The following TMX2 variants were observed in gnomAD, a reference collection of about 807,000 sequenced individuals.
The protein encoded by TMX2 is thioredoxin-related transmembrane protein 2.
A neutral mutation model predicts 33.4 loss-of-function variants in TMX2; 20 were observed. The ratio of observed to expected loss-of-function variants is 0.60; its 90% CI spans 0.42 to 0.87. TMX2 has a LOEUF of 0.87. Ranked by LOEUF, TMX2 falls within the 40% of genes least tolerant of loss-of-function variation. TMX2 has a pLI of 0.00. For synonymous variants in TMX2, 166 were observed against 140.7 expected, an observed-to-expected ratio of 1.18 and a Z score of -1.27; for missense variants, 340 against 370.7, an observed-to-expected ratio of 0.92 and a Z score of 0.68.
intron 1 of TMX2, among the ~76,000 whole-genome samples, chr11:57,726,171 G>A (rs773399679): frequency 5.3e-5 from 8 of 151,998 alleles, no homozygotes; most frequent in South Asian, 2.1e-4. Flanking sequence ...CTAGCACTTT[G>A]GTAGGCTGGG....
At chr11:57,724,951 T>A (rs1449668410) in intron 1 of TMX2, among the ~76,000 whole-genome samples, 3 of 149,320 alleles carry the variant, frequency 2.0e-5, no homozygotes, top group Admixed American at 1.3e-4. Flanking sequence ...GGCAGGAGAA[T>A]CACTTTGAAC....
intron 1 of TMX2, among the ~76,000 whole-genome samples, chr11:57,726,145 G>T (rs1441160076): frequency 3.9e-5 from 6 of 152,106 alleles, no homozygotes; most frequent in Non-Finnish European, 7.4e-5. Context: ...GGGCGTGGTG[G>T]TTCACTCCTG....
chr11:57,733,901 T>G (rs1260884789), intron 1 of TMX2, among the ~76,000 whole-genome samples: 2 of 151,880 alleles, frequency 1.3e-5, no homozygotes, highest in Non-Finnish European at 2.9e-5. Flanking sequence ...CTGGGTGCGG[T>G]GGCTCACGCC....
chr11:57,733,509 G>T (rs78644549), intron 1 of TMX2, among the ~76,000 whole-genome samples: 1 of 151,680 alleles, frequency 6.6e-6, no homozygotes, highest in African/African-American at 2.4e-5. Flanking sequence ...CACCCGCCTC[G>T]GCCTCCCAAA....
intron 1 of TMX2, among the ~76,000 whole-genome samples, chr11:57,734,485 C>T (rs1001443198): frequency 6.6e-6 from 1 of 152,324 alleles, no homozygotes; most frequent in East Asian, 1.9e-4. Flanking sequence ...CAGTGGCTCA[C>T]GCCTATAATC....
At chr11:57,719,878 C>T (rs1243446733) in intron 1 of TMX2, among the ~76,000 whole-genome samples, 1 of 152,032 alleles carries the variant, frequency 6.6e-6, no homozygotes, top group Non-Finnish European at 1.5e-5. Flanking sequence ...AAATTGGCTT[C>T]TCCAAAACTG....
At chr11:57,718,611 C>A in intron 1 of TMX2, 24 of 435,754 alleles carry the variant, frequency 5.5e-5, no homozygotes, top group East Asian at 2.7e-4. Context: ...TTATCTATAT[C>A]ATTGTTTTCC....
At chr11:57,729,566 T>A (rs1233805107) in intron 1 of TMX2, among the ~76,000 whole-genome samples, 1 of 152,224 alleles carries the variant, frequency 6.6e-6, no homozygotes, top group Non-Finnish European at 1.5e-5. Context: ...CTTTCTCTTC[T>A]TACCTTATGA....
At chr11:57,732,931 A>G (rs933659669) in intron 1 of TMX2, among the ~76,000 whole-genome samples, 4 of 152,138 alleles carry the variant, frequency 2.6e-5, no homozygotes, top group Admixed American at 1.3e-4. Context: ...ACAAACTTAG[A>G]TGGCCTACTA....
chr11:57,715,434 T>C (rs1217838500), intron 1 of TMX2, among the ~76,000 whole-genome samples: 1 of 149,548 alleles, frequency 6.7e-6, no homozygotes, highest in Non-Finnish European at 1.5e-5. Context: ...TAAAAAAATA[T>C]ATTTTATATA....
At position 57,738,982 on chromosome 11, in the gene TMX2, G is replaced by C. The variant is rs141328802; in HGVS notation, c.557G>C (p.Cys186Ser). 2.5e-6 allele frequency: 4 copies of C among 1,613,640 alleles called. No homozygotes were observed. Among genetic ancestry groups the C allele is most frequent in the East Asian group, 4.5e-5 (2 of 44,866 alleles). ...TAATATATTCTTTTCAGATACAACT[G>C]TACAGGGCTAAATTTTGGGAAGGTG... ...IYADLSLKYN[C>S]TGLNFGKVDV... Residue 186 changes from cysteine (C) to serine (S), a missense_variant, in exon 6 of 8, where the codon TGT becomes TCT. Cys to Ser is a moderately radical substitution (Grantham distance 112). Transcript: ENST00000278422.
chr11:57,720,600 G>A (rs1028469164), intron 1 of TMX2, among the ~76,000 whole-genome samples: 15 of 152,170 alleles, frequency 9.9e-5, no homozygotes, highest in African/African-American at 2.7e-4. Context: ...GTTTCACCAC[G>A]TTAGTTAGGC....
At chr11:57,719,779 A>G (rs1947461012) in intron 1 of TMX2, among the ~76,000 whole-genome samples, 1 of 151,878 alleles carries the variant, frequency 6.6e-6, no homozygotes, top group South Asian at 2.1e-4. Context: ...CAGCCTCCCA[A>G]AGTGCTGGGA....
At chr11:57,720,605 T>C (rs1417952415) in intron 1 of TMX2, among the ~76,000 whole-genome samples, 2 of 152,156 alleles carry the variant, frequency 1.3e-5, no homozygotes, top group African/African-American at 4.8e-5. Flanking sequence ...ACCACGTTAG[T>C]TAGGCTGATC....
At chr11:57,724,935 G>A (rs1037701318) in intron 1 of TMX2, among the ~76,000 whole-genome samples, 1 of 151,854 alleles carries the variant, frequency 6.6e-6, no homozygotes, top group Non-Finnish European at 1.5e-5. Flanking sequence ...CTACTCGGGA[G>A]GCTGGGGCAG....
intron 1 of TMX2, among the ~76,000 whole-genome samples, chr11:57,725,611 C>G (rs1387623336): frequency 6.6e-6 from 1 of 152,130 alleles, no homozygotes; most frequent in Non-Finnish European, 1.5e-5. Context: ...GTGGCACATA[C>G]CTGTAATCCC....
chr11:57,739,836 T>C (rs903591727), intron 7 of TMX2, among the ~76,000 whole-genome samples: 1 of 152,136 alleles, frequency 6.6e-6, no homozygotes, highest in Non-Finnish European at 1.5e-5. Flanking sequence ...TAATTGGAGG[T>C]AATAACCCCT....
intron 1 of TMX2, among the ~76,000 whole-genome samples, chr11:57,713,829 G>A (rs762339536): frequency 1.4e-4 from 21 of 152,160 alleles, no homozygotes; most frequent in Non-Finnish European, 2.5e-4. Context: ...ACATACAGTG[G>A]CCTGGGACAA....
At chr11:57,716,854 C>T (rs1443611826) in intron 1 of TMX2, among the ~76,000 whole-genome samples, 3 of 150,844 alleles carry the variant, frequency 2.0e-5, no homozygotes, top group African/African-American at 7.3e-5. Context: ...CCCCCCCCAC[C>T]TCCCTCCTGG....
Sources: allele counts gnomAD v4.1 joint callset (sites outside exome capture counted in the v4.1 genomes callset), GRCh38; gene constraint gnomAD v4.1.1; transcripts MANE v1.5; gene names NCBI Gene and HGNC (gene_info 2026-07-23, HGNC 2026-07-21).